Variants in NTM observed in about 807,000 individuals in gnomAD.
NTM encodes the protein neurotrimin.
Under a neutral mutation model 42.1 loss-of-function variants are expected in NTM, and 13 were observed. That is an observed-to-expected ratio of 0.31 (90% CI 0.20 to 0.49). The LOEUF (loss-of-function observed/expected upper bound fraction) is 0.49. Ranked by LOEUF, NTM falls within the 20% of genes least tolerant of loss-of-function variation. NTM has a pLI of 0.99. For missense variants in NTM, 373 were observed against 452.8 expected (o/e 0.82, Z 1.60); for synonymous variants, 187 against 179.2 (o/e 1.04, Z -0.35).
chr11:132,213,323 G>A (rs923034992), intron 4 of NTM, among the ~76,000 whole-genome samples: 4 of 152,060 alleles, frequency 2.6e-5, no homozygotes, highest in South Asian at 2.1e-4. Context: ...CTGAGCCTAC[G>A]GGGAGCTCTG....
chr11:131,579,951 C>A (rs956201861), intron 1 of NTM, among the ~76,000 whole-genome samples: 1 of 152,160 alleles, frequency 6.6e-6, no homozygotes, highest in Non-Finnish European at 1.5e-5. Context: ...CCCTGAGCAA[C>A]ATTTTTCTCT....
chr11:131,659,576 T>A (rs2067681931), intron 1 of NTM, among the ~76,000 whole-genome samples: 1 of 152,264 alleles, frequency 6.6e-6, no homozygotes, highest in South Asian at 2.1e-4. Context: ...AAAGTAGTCA[T>A]CCTTCTGAAG....
chr11:131,648,582 T>C (rs1294450963), intron 1 of NTM, among the ~76,000 whole-genome samples: 1 of 152,226 alleles, frequency 6.6e-6, no homozygotes, highest in Non-Finnish European at 1.5e-5. Context: ...GAAAAGATGA[T>C]TTCAATTCTT....
intron 1 of NTM, among the ~76,000 whole-genome samples, chr11:131,706,188 C>T (rs974490336): frequency 6.6e-6 from 1 of 151,650 alleles, no homozygotes; most frequent in Non-Finnish European, 1.5e-5. Flanking sequence ...AGTGGCTATA[C>T]TTATACTGGA....
chr11:132,206,852 A>T (rs573750970), intron 3 of NTM, among the ~76,000 whole-genome samples: 2 of 152,302 alleles, frequency 1.3e-5, no homozygotes, highest in South Asian at 4.1e-4. Flanking sequence ...CCTCCCTCCT[A>T]GTAACTCATA....
At chr11:131,845,432 G>A (rs12277823) in intron 1 of NTM, among the ~76,000 whole-genome samples, 12,088 of 152,126 alleles carry the variant, frequency 0.079, 680 homozygotes, top group Middle Eastern at 0.13. Context: ...GCTTCTCAGC[G>A]TATAGTAGAG....
chr11:131,820,367 C>T (rs2093134286), intron 1 of NTM, among the ~76,000 whole-genome samples: 1 of 152,154 alleles, frequency 6.6e-6, no homozygotes, highest in Non-Finnish European at 1.5e-5. Context: ...GTCTTAACTC[C>T]CTGTGGATTG....
At chr11:131,720,012 T>C (rs2078148173) in intron 1 of NTM, among the ~76,000 whole-genome samples, 1 of 152,132 alleles carries the variant, frequency 6.6e-6, no homozygotes, top group Non-Finnish European at 1.5e-5. Flanking sequence ...TGGGAGGGAA[T>C]ATAGGCCCAC....
rs76564605 is a variant in NTM, at chr11:132,070,723, A to C, written c.168-75559A>C. On this transcript the variant is annotated intron_variant, in intron 2 of 8. Transcript: ENST00000683400. ...CATCACAGGTTAGTTAACACGTCAC[A>C]CAGCCAAGTTAACACGTCAAACTGA... is the stretch of plus-strand genomic sequence containing the variant. Among the ~76,000 whole-genome samples the C allele has an allele frequency of 2.1e-5, 3 of 141,602 alleles. 1 individual carries two copies. Among genetic ancestry groups the C allele is most frequent in the Non-Finnish European group, 3.1e-5 (2 of 64,162 alleles). 92.9% of individuals were successfully genotyped at this position (141,602 alleles called of 152,430 possible). A position where few individuals can be genotyped will look rare whatever the true frequency, so the allele number is the denominator to read the frequency against.
intron 1 of NTM, among the ~76,000 whole-genome samples, chr11:131,685,318 C>T (rs1475737849): frequency 6.6e-6 from 1 of 151,912 alleles, no homozygotes; most frequent in Non-Finnish European, 1.5e-5. Context: ...GCTGGGGGCT[C>T]ATGGAGAGTC....
chr11:131,848,482 T>C (rs989771458), intron 1 of NTM, among the ~76,000 whole-genome samples: 2 of 152,170 alleles, frequency 1.3e-5, no homozygotes, highest in Admixed American at 1.3e-4. Flanking sequence ...CCTGCCAGGC[T>C]ATGGGGAAGG....
At chr11:131,752,716 C>T (rs2082723657) in intron 1 of NTM, among the ~76,000 whole-genome samples, 1 of 152,086 alleles carries the variant, frequency 6.6e-6, no homozygotes, top group Non-Finnish European at 1.5e-5. Flanking sequence ...GGATCCCTTC[C>T]TTACACCTTA....
intron 1 of NTM, among the ~76,000 whole-genome samples, chr11:131,747,721 C>T (rs1190858287): frequency 6.6e-6 from 1 of 152,204 alleles, no homozygotes; most frequent in Non-Finnish European, 1.5e-5. Flanking sequence ...CTGCCACTGC[C>T]AGTCCTGCCT....
At chr11:132,259,540 C>T (rs1395317463) in intron 4 of NTM, among the ~76,000 whole-genome samples, 2 of 151,678 alleles carry the variant, frequency 1.3e-5, no homozygotes, top group East Asian at 2.0e-4. Context: ...ATTAGCCTGG[C>T]GTGGTGGTGC....
At chr11:131,650,199 C>T (rs1022563983) in intron 1 of NTM, among the ~76,000 whole-genome samples, 5 of 152,192 alleles carry the variant, frequency 3.3e-5, no homozygotes, top group Non-Finnish European at 7.3e-5. Flanking sequence ...TGATAGGCAA[C>T]GCTGCAAGCA....
chr11:131,804,184 C>T (rs931558163), intron 1 of NTM, among the ~76,000 whole-genome samples: 2 of 152,180 alleles, frequency 1.3e-5, no homozygotes, highest in African/African-American at 4.8e-5. Context: ...TAGTTAATCA[C>T]TCTCCCTTCC....
chr11:132,094,721 G>A (rs934630626), intron 2 of NTM, among the ~76,000 whole-genome samples: 6 of 152,106 alleles, frequency 3.9e-5, no homozygotes, highest in African/African-American at 1.4e-4. Flanking sequence ...TATTTTTGTG[G>A]TTCCCATGGA....
At chr11:131,562,785 C>T (rs2056401620) in intron 1 of NTM, among the ~76,000 whole-genome samples, 2 of 152,202 alleles carry the variant, frequency 1.3e-5, no homozygotes, top group African/African-American at 4.8e-5. Context: ...TCTTTCCTAA[C>T]CACTTCCTGT....
intron 1 of NTM, among the ~76,000 whole-genome samples, chr11:131,475,526 T>C (rs1210505428): frequency 1.3e-5 from 2 of 151,996 alleles, no homozygotes; most frequent in African/African-American, 4.8e-5. Flanking sequence ...TGCAGGGAGC[T>C]GATAAACTGC....
Sources: gnomAD v4.1 joint callset for allele counts (sites outside exome capture counted in the v4.1 genomes callset) on GRCh38, gnomAD v4.1.1 for gene constraint, MANE v1.5 for transcripts, NCBI Gene and HGNC (gene_info 2026-07-23, HGNC 2026-07-21) for gene names.